NDST3: variants seen among roughly 807,000 people sequenced by gnomAD.
NDST3 encodes N-deacetylase and N-sulfotransferase 3.
Under a neutral mutation model 96.1 loss-of-function variants are expected in NDST3, and 58 were observed. The observed-to-expected ratio is 0.60, with a 90% confidence interval of 0.49 to 0.75. The LOEUF (loss-of-function observed/expected upper bound fraction) is 0.75, where lower values mean the gene tolerates loss of function less well. Among genes scored for constraint, NDST3 ranks in the 30% least tolerant of loss-of-function variants. The pLI is 0.00. For missense variants in NDST3, 788 were observed against 1,034.2 expected, an observed-to-expected ratio of 0.76 and a Z score of 3.27; for synonymous variants, 333 against 359.7, an observed-to-expected ratio of 0.93 and a Z score of 0.84.
At chr4:118,187,061 A>C (rs1231225187) in intron 6 of NDST3, among the ~76,000 whole-genome samples, 2 of 152,170 alleles carry the variant, frequency 1.3e-5, no homozygotes, top group Non-Finnish European at 2.9e-5. Flanking sequence ...CAATCCAACT[A>C]CAATTAAATA....
chr4:118,163,420 C>T (rs989619604), intron 6 of NDST3, among the ~76,000 whole-genome samples: 70 of 152,166 alleles, frequency 4.6e-4, no homozygotes, highest in African/African-American at 1.6e-3. Context: ...ACTATGCAGC[C>T]ATAAAAAATG....
In NDST3 at chr4:118,054,310, G is replaced by C; in HGVS notation, c.400G>C (p.Glu134Gln). Residue 134 changes from glutamate (E) to glutamine (Q), a missense_variant, in exon 2 of 14, where the codon GAG (glutamate) becomes CAG (glutamine). Glu to Gln is a conservative substitution (Grantham distance 29). Transcript: ENST00000296499. ...MKGKYILIIY[E>Q]NILKYINMDS... ...AGGCAAATACATTCTCATTATTTAT[G>C]AGAATATTTTAAAGTATATAAATAT... 1 of 1,610,124 alleles carries C rather than the reference G, an allele frequency of 6.2e-7. No individual in the cohort carries two copies. The highest frequency in any genetic ancestry group is 8.5e-7 in the Non-Finnish European group (1 of 1,177,830).
chr4:118,181,669 G>A (rs917504339), intron 6 of NDST3, among the ~76,000 whole-genome samples: 1 of 151,998 alleles, frequency 6.6e-6, no homozygotes, highest in African/African-American at 2.4e-5. Context: ...ATCAGATTTC[G>A]GCTGGGACAA....
chr4:118,206,293 G>T (rs898546616), intron 6 of NDST3, among the ~76,000 whole-genome samples: 1 of 145,010 alleles, frequency 6.9e-6, no homozygotes, highest in East Asian at 2.0e-4. Context: ...TTTATTCTGA[G>T]TGTACACTAT....
At chr4:118,213,102 C>T (rs946678489) in intron 6 of NDST3, among the ~76,000 whole-genome samples, 2 of 152,132 alleles carry the variant, frequency 1.3e-5, no homozygotes, top group South Asian at 2.1e-4. Flanking sequence ...CAAGCTAAAT[C>T]GTCAAAGCTA....
Position 118,179,523 on chromosome 4 carries a change from A to G in NDST3, c.1539+35839A>G, listed in dbSNP as rs1241551596. On this transcript the variant is annotated intron_variant, in intron 6 of 13. Transcript: ENST00000296499. ...GGAAGTGGTAAGGGAGGGAAGGTGG[A>G]GGTCCACTCCCAATTAAACTTTTTT... is the stretch of plus-strand genomic sequence containing the variant. 2.0e-5 allele frequency among the ~76,000 whole-genome samples: 3 copies of G among 152,154 alleles called. No individual in the cohort carries two copies. The East Asian group carries it at 5.8e-4, about 29-fold the overall frequency.
intron 12 of NDST3, among the ~76,000 whole-genome samples, chr4:118,244,564 C>T (rs1271019108): frequency 1.3e-5 from 2 of 152,110 alleles, no homozygotes; most frequent in African/African-American, 2.4e-5. Context: ...CAACTAACTA[C>T]ATAAATCTAG....
intron 8 of NDST3, among the ~76,000 whole-genome samples, chr4:118,229,971 TCGC>T (rs1740159505): frequency 6.6e-6 from 1 of 152,198 alleles, no homozygotes; most frequent in Non-Finnish European, 1.5e-5. Flanking sequence ...CTAGGTTACC[TCGC>T]TAATCCTCAT....
intron 6 of NDST3, among the ~76,000 whole-genome samples, chr4:118,185,026 G>C (rs1736851271): frequency 1.3e-5 from 2 of 151,942 alleles, no homozygotes; most frequent in Non-Finnish European, 2.9e-5. Context: ...CTAAATTTTT[G>C]TACAACATAT....
intron 6 of NDST3, among the ~76,000 whole-genome samples, chr4:118,186,846 G>A (rs932820831): frequency 4.6e-5 from 7 of 152,320 alleles, no homozygotes; most frequent in South Asian, 2.1e-4. Flanking sequence ...TCATTCATAA[G>A]TCATCATGTC....
chr4:118,177,073 G>T (rs10028823), intron 6 of NDST3, among the ~76,000 whole-genome samples: 1,822 of 152,076 alleles, frequency 0.012, 32 homozygotes, highest in African/African-American at 0.041. Context: ...TCAGGTGATA[G>T]AACCAAGAGT....
intron 8 of NDST3, among the ~76,000 whole-genome samples, chr4:118,228,130 A>G (rs1023238328): frequency 2.0e-5 from 3 of 152,206 alleles, no homozygotes; most frequent in Admixed American, 1.3e-4. Flanking sequence ...TGTGCAATGT[A>G]CACAGGGAGT....
Position 118,193,720 on chromosome 4 carries a change from C to T in NDST3, c.1540-30771C>T, listed in dbSNP as rs900293811. The T allele has an allele frequency of 2.8e-5, 38 of 1,335,654 alleles. No individual in the cohort carries two copies. In the African/African-American group the frequency reaches 5.0e-4, roughly 18 times the overall value. The allele number at this position is 1,335,654 out of a possible 1,614,324, so 82.7% of individuals were successfully genotyped here. ...GGGCCTCTCCCCAATGGAAGAGGCC[C>T]TTCTCGTTGTTGCTGCCCAGTTCCA... is the stretch of plus-strand genomic sequence containing the variant. On this transcript the variant is annotated intron_variant, in intron 6 of 13. Coordinates refer to ENST00000296499, the MANE Select transcript of NDST3 (RefSeq NM_004784.3).
chr4:118,217,531 C>T (rs924320206), intron 6 of NDST3, among the ~76,000 whole-genome samples: 7 of 152,024 alleles, frequency 4.6e-5, no homozygotes, highest in African/African-American at 7.2e-5. Context: ...ATACATTTTC[C>T]ACGATGATAA....
At chr4:118,162,224 T>C (rs1735207782) in intron 6 of NDST3, among the ~76,000 whole-genome samples, 1 of 152,114 alleles carries the variant, frequency 6.6e-6, no homozygotes, top group African/African-American at 2.4e-5. Context: ...TACCAATGAC[T>C]TTCTTCACAG....
At chr4:118,154,732 T>G (rs1279009553) in intron 6 of NDST3, among the ~76,000 whole-genome samples, 1 of 152,202 alleles carries the variant, frequency 6.6e-6, no homozygotes, top group Non-Finnish European at 1.5e-5. Flanking sequence ...GCAGGTCACT[T>G]CTATAGTATT....
At chr4:118,177,711 T>C (rs1177174405) in intron 6 of NDST3, among the ~76,000 whole-genome samples, 1 of 151,998 alleles carries the variant, frequency 6.6e-6, no homozygotes, top group Non-Finnish European at 1.5e-5. Flanking sequence ...GGGGTAATCC[T>C]GGATCATGAT....
chr4:118,190,500 T>C (rs1453306220), intron 6 of NDST3, among the ~76,000 whole-genome samples: 1 of 152,192 alleles, frequency 6.6e-6, no homozygotes, highest in Non-Finnish European at 1.5e-5. Flanking sequence ...CCTTCCCTAA[T>C]GTCTTCCCCA....
Position 118,054,426 on chromosome 4 carries a change from A to G in NDST3, c.516A>G (p.Val172=), listed in dbSNP as rs1414485098. Reference sequence around the variant, plus strand: ...TCCACAAAACTAGTGAGAAGAGTGTACAGAGCTTTCAGTTAAAAGGTTTCC... The same window carrying G: ...TCCACAAAACTAGTGAGAAGAGTGTGCAGAGCTTTCAGTTAAAAGGTTTCC... The part of the protein sequence containing the change: ...IGFHKTSEKS[V]QSFQLKGFPF... Residue 172 remains valine, a synonymous_variant, in exon 2 of 14, where the codon GTA becomes GTG. Coordinates refer to ENST00000296499, the MANE Select transcript of NDST3 (RefSeq NM_004784.3). 1.9e-6 allele frequency: 3 copies of G among 1,612,970 alleles called. No homozygotes were observed. Among genetic ancestry groups the G allele is most frequent in the Non-Finnish European group, 2.5e-6 (3 of 1,179,412 alleles).
Sources: allele counts gnomAD v4.1 joint callset (sites outside exome capture counted in the v4.1 genomes callset), GRCh38; gene constraint gnomAD v4.1.1; transcripts MANE v1.5; gene names NCBI Gene and HGNC (gene_info 2026-07-23, HGNC 2026-07-21).